The following TMTC2 variants were observed in gnomAD, a reference collection of about 807,000 sequenced individuals.
TMTC2 encodes protein O-mannosyl-transferase TMTC2.
In TMTC2, 43 loss-of-function variants were observed where a neutral mutation model predicts 82.4. That is an observed-to-expected ratio of 0.52 (90% CI 0.41 to 0.67). TMTC2 has a LOEUF of 0.67. Ranked by LOEUF, TMTC2 falls within the 30% of genes least tolerant of loss-of-function variation. The pLI is 0.00. For missense variants in TMTC2, 919 were observed against 1,012.4 expected (o/e 0.91, Z 1.25); for synonymous variants, 408 against 381.9 (o/e 1.07, Z -0.80).
intron 1 of TMTC2, among the ~76,000 whole-genome samples, chr12:82,749,903 A>C: frequency 6.6e-6 from 1 of 151,702 alleles, no homozygotes; most frequent in Non-Finnish European, 1.5e-5. Flanking sequence ...ACGCCCGCAT[A>C]ATTTTTACAT....
At chr12:83,089,645 A>ATGT (rs1044540169) in intron 11 of TMTC2, among the ~76,000 whole-genome samples, 5 of 152,276 alleles carry the variant, frequency 3.3e-5, no homozygotes, top group African/African-American at 1.2e-4. Context: ...AACATAAGCC[A>ATGT]TGTACTAATT....
chr12:82,704,277 G>C (rs1873236003), intron 1 of TMTC2, among the ~76,000 whole-genome samples: 1 of 152,020 alleles, frequency 6.6e-6, no homozygotes, highest in Admixed American at 6.6e-5. Flanking sequence ...ATGAAAACTG[G>C]TTGAAAATGA....
chr12:83,040,166 C>A (rs1881833880), intron 9 of TMTC2, among the ~76,000 whole-genome samples: 1 of 152,290 alleles, frequency 6.6e-6, no homozygotes, highest in South Asian at 2.1e-4. Flanking sequence ...GTTTAAGTGG[C>A]ACATTGAAGT....
intron 3 of TMTC2, among the ~76,000 whole-genome samples, chr12:82,919,262 C>T (rs1380514043): frequency 6.6e-6 from 1 of 152,164 alleles, no homozygotes; most frequent in Middle Eastern, 3.2e-3. Flanking sequence ...CTGACCCACT[C>T]ATGTATTAAC....
At chr12:83,043,265 T>A (rs769604528) in intron 9 of TMTC2, among the ~76,000 whole-genome samples, 1 of 152,336 alleles carries the variant, frequency 6.6e-6, no homozygotes, top group East Asian at 1.9e-4. Flanking sequence ...TAGTATCCCC[T>A]ACCTACAGCT....
intron 1 of TMTC2, among the ~76,000 whole-genome samples, chr12:82,730,204 A>C (rs1874713385): frequency 6.7e-6 from 1 of 148,322 alleles, no homozygotes; most frequent in African/African-American, 2.5e-5. Context: ...CTGAGGCAGG[A>C]GAATCGCTTG....
At chr12:82,882,862 C>G (rs1483262978) in intron 2 of TMTC2, among the ~76,000 whole-genome samples, 1 of 151,944 alleles carries the variant, frequency 6.6e-6, no homozygotes, top group Non-Finnish European at 1.5e-5. Flanking sequence ...TCGAGACCAG[C>G]CTGATCAACA....
intron 3 of TMTC2, among the ~76,000 whole-genome samples, chr12:82,918,216 G>A (rs539635952): frequency 6.6e-6 from 1 of 152,282 alleles, no homozygotes; most frequent in South Asian, 2.1e-4. Flanking sequence ...GCCAAAATTG[G>A]CTTTTAATCT....
chr12:82,783,351 G>A (rs1878006559), intron 1 of TMTC2, among the ~76,000 whole-genome samples: 1 of 151,122 alleles, frequency 6.6e-6, no homozygotes, highest in Non-Finnish European at 1.5e-5. Flanking sequence ...GTGGCAGACA[G>A]CGTGCTTCTA....
At chr12:82,803,687 C>T (rs906780866) in intron 1 of TMTC2, among the ~76,000 whole-genome samples, 2 of 152,056 alleles carry the variant, frequency 1.3e-5, no homozygotes, top group East Asian at 3.9e-4. Context: ...TGTGCATGCT[C>T]ACCTCCCAAA....
chr12:82,817,261 G>T (rs1296013590), intron 1 of TMTC2, among the ~76,000 whole-genome samples: 1 of 151,980 alleles, frequency 6.6e-6, no homozygotes, highest in Non-Finnish European at 1.5e-5. Flanking sequence ...GAGCCACAGC[G>T]CCCGGCTAGA....
intron 3 of TMTC2, among the ~76,000 whole-genome samples, chr12:82,917,892 C>T (rs186664067): frequency 1.2e-3 from 175 of 150,494 alleles, no homozygotes; most frequent in African/African-American, 2.9e-3. Flanking sequence ...TGAGCCACTG[C>T]TCCCGGCCAG....
At chr12:82,999,419 G>A (rs1000364483) in intron 8 of TMTC2, among the ~76,000 whole-genome samples, 3 of 152,176 alleles carry the variant, frequency 2.0e-5, no homozygotes, top group Non-Finnish European at 4.4e-5. Context: ...ATGGCTTGAG[G>A]TAGTTTTTGT....
chr12:82,934,741 C>T (rs1200774034), intron 4 of TMTC2, among the ~76,000 whole-genome samples: 1 of 151,962 alleles, frequency 6.6e-6, no homozygotes. Flanking sequence ...TGGGTATATA[C>T]CTAGATTGCT....
Position 82,880,861 on chromosome 12 carries a change from C to T in TMTC2, c.655-14957C>T, listed in dbSNP as rs144626405. Among the ~76,000 whole-genome samples, 66 of 152,152 alleles carry T rather than the reference C, an allele frequency of 4.3e-4. 1 individual carries two copies. Among genetic ancestry groups the T allele is most frequent in the African/African-American group, 1.1e-3 (47 of 41,492 alleles). On this transcript the variant is annotated intron_variant, in intron 2 of 11. Coordinates refer to ENST00000321196, the MANE Select transcript of TMTC2 (RefSeq NM_152588.3). ...CAGGGTGAATTGCAAAATGTTTGCA[C>T]GTGTAAGTTCAGTTTATTTAATTTT...
chr12:82,911,103 A>G (rs1197821584), intron 3 of TMTC2, among the ~76,000 whole-genome samples: 4 of 152,030 alleles, frequency 2.6e-5, no homozygotes, highest in Admixed American at 1.3e-4. Flanking sequence ...GATGGTCTCT[A>G]TCTCCTGACC....
At chr12:82,907,316 A>T (rs1874375609) in intron 3 of TMTC2, among the ~76,000 whole-genome samples, 1 of 151,646 alleles carries the variant, frequency 6.6e-6, no homozygotes, top group African/African-American at 2.4e-5. Flanking sequence ...ACAAAAAATT[A>T]GCTGGGCGTG....
intron 4 of TMTC2, among the ~76,000 whole-genome samples, chr12:82,937,795 T>C (rs185882912): frequency 0.18 from 5,400 of 29,478 alleles, 406 homozygotes; most frequent in South Asian, 0.25. Context: ...TATATATATA[T>C]ACACACATAT....
At chr12:82,860,243 A>G (rs924047296) in intron 2 of TMTC2, among the ~76,000 whole-genome samples, 5 of 152,162 alleles carry the variant, frequency 3.3e-5, no homozygotes, top group African/African-American at 1.2e-4. Context: ...AAGTGCTGGG[A>G]TTACAGGCGT....
Sources: gnomAD v4.1 joint callset for allele counts (sites outside exome capture counted in the v4.1 genomes callset) on GRCh38, gnomAD v4.1.1 for gene constraint, MANE v1.5 for transcripts, NCBI Gene and HGNC (gene_info 2026-07-23, HGNC 2026-07-21) for gene names.